CAMK1D: variants seen among roughly 807,000 people sequenced by gnomAD.
The protein encoded by CAMK1D is calcium/calmodulin dependent protein kinase ID.
A neutral mutation model predicts 47.7 loss-of-function variants in CAMK1D; 9 were observed. The ratio of observed to expected loss-of-function variants is 0.19; its 90% CI spans 0.11 to 0.33. The LOEUF (loss-of-function observed/expected upper bound fraction) is 0.33. Among genes scored for constraint, CAMK1D ranks in the 10% least tolerant of loss-of-function variants. The pLI is 1.00. For missense variants in CAMK1D, 291 were observed against 488.7 expected, an observed-to-expected ratio of 0.60 and a Z score of 3.81; for synonymous variants, 184 against 184.9, an observed-to-expected ratio of 0.99 and a Z score of 0.04.
chr10:12,560,645 G>A (rs1457422307), intron 2 of CAMK1D, among the ~76,000 whole-genome samples: 1 of 151,840 alleles, frequency 6.6e-6, no homozygotes, highest in Non-Finnish European at 1.5e-5. Flanking sequence ...GACTGAAAAT[G>A]GCTAAGCTGG....
At chr10:12,371,001 A>G (rs1004098327) in intron 1 of CAMK1D, among the ~76,000 whole-genome samples, 2 of 152,188 alleles carry the variant, frequency 1.3e-5, no homozygotes, top group Non-Finnish European at 2.9e-5. Flanking sequence ...TTTTGCAGCT[A>G]TACAGTGTGT....
At chr10:12,584,510 G>A (rs1172993519) in intron 2 of CAMK1D, among the ~76,000 whole-genome samples, 2 of 152,298 alleles carry the variant, frequency 1.3e-5, no homozygotes, top group East Asian at 1.9e-4. Flanking sequence ...TTACTGAAGA[G>A]GGATCTGAGA....
At chr10:12,613,826 G>A (rs904437107) in intron 2 of CAMK1D, among the ~76,000 whole-genome samples, 3 of 152,190 alleles carry the variant, frequency 2.0e-5, no homozygotes, top group African/African-American at 7.2e-5. Flanking sequence ...AGAGTTCTGG[G>A]TACGGTTGAG....
chr10:12,782,171 C>G (rs561242827), intron 5 of CAMK1D, among the ~76,000 whole-genome samples: 1 of 152,290 alleles, frequency 6.6e-6, no homozygotes, highest in South Asian at 2.1e-4. Context: ...GAGAACGCTC[C>G]TGTGTTTCAG....
intron 8 of CAMK1D, among the ~76,000 whole-genome samples, chr10:12,822,952 G>A (rs1339641866): frequency 6.6e-6 from 1 of 152,318 alleles, no homozygotes; most frequent in Middle Eastern, 3.4e-3. Flanking sequence ...ACGTCCCCTT[G>A]GCTGTGTGTT....
At chr10:12,485,523 C>G (rs868209875) in intron 1 of CAMK1D, among the ~76,000 whole-genome samples, 2 of 152,124 alleles carry the variant, frequency 1.3e-5, no homozygotes, top group African/African-American at 2.4e-5. Flanking sequence ...GGGCTGGTCA[C>G]AGGGAGCCGG....
At chr10:12,484,830 G>T (rs1435787473) in intron 1 of CAMK1D, among the ~76,000 whole-genome samples, 1 of 152,000 alleles carries the variant, frequency 6.6e-6, no homozygotes, top group African/African-American at 2.4e-5. Flanking sequence ...GACTCTGGGG[G>T]GGAGGGGGTG....
intron 3 of CAMK1D, among the ~76,000 whole-genome samples, chr10:12,712,039 C>A (rs934022965): frequency 6.6e-6 from 1 of 152,136 alleles, no homozygotes; most frequent in African/African-American, 2.4e-5. Context: ...ATCAGCTGTT[C>A]CTCTGTTAGC....
chr10:12,527,028 T>A (rs1835646598), intron 1 of CAMK1D, among the ~76,000 whole-genome samples: 1 of 151,466 alleles, frequency 6.6e-6, no homozygotes, highest in Non-Finnish European at 1.5e-5. Context: ...CTCAAAAAAA[T>A]AAAAAATAAA....
chr10:12,508,777 A>C (rs1213414995), intron 1 of CAMK1D, among the ~76,000 whole-genome samples: 3 of 152,172 alleles, frequency 2.0e-5, no homozygotes, highest in Non-Finnish European at 4.4e-5. Flanking sequence ...AAGCCGAGGG[A>C]GAGGGCTTGG....
intron 1 of CAMK1D, among the ~76,000 whole-genome samples, chr10:12,511,574 A>T (rs12572215): frequency 0.013 from 1,968 of 152,254 alleles, 38 homozygotes; most frequent in East Asian, 0.072. Context: ...TCGCTCCACC[A>T]CACTCTAGCC....
At chr10:12,819,092 A>G in intron 8 of CAMK1D, among the ~76,000 whole-genome samples, 1 of 152,186 alleles carries the variant, frequency 6.6e-6, no homozygotes, top group Non-Finnish European at 1.5e-5. Context: ...AAGGCAGGAA[A>G]AAGGCCAGTT....
At chr10:12,451,249 C>G (rs1330161438) in intron 1 of CAMK1D, among the ~76,000 whole-genome samples, 2 of 152,164 alleles carry the variant, frequency 1.3e-5, no homozygotes, top group Non-Finnish European at 2.9e-5. Context: ...CTCCTCTGGC[C>G]CAGAGGAGAG....
At chr10:12,721,649 C>T (rs1259658529) in intron 3 of CAMK1D, among the ~76,000 whole-genome samples, 1 of 152,158 alleles carries the variant, frequency 6.6e-6, no homozygotes. Flanking sequence ...ACCCTGTGCT[C>T]ACAGAGCTTA....
intron 10 of CAMK1D, among the ~76,000 whole-genome samples, chr10:12,827,076 C>T (rs994025298): frequency 2.0e-5 from 3 of 152,234 alleles, no homozygotes; most frequent in Admixed American, 6.5e-5. Flanking sequence ...CTGCTGAGCT[C>T]ACACAGGAAT....
At chr10:12,435,979 G>A (rs931299723) in intron 1 of CAMK1D, among the ~76,000 whole-genome samples, 6 of 152,230 alleles carry the variant, frequency 3.9e-5, no homozygotes, top group African/African-American at 1.4e-4. Flanking sequence ...GAATGGGGTG[G>A]TGGGGACAGT....
chr10:12,472,338 C>T (rs370238611), intron 1 of CAMK1D, among the ~76,000 whole-genome samples: 1 of 152,078 alleles, frequency 6.6e-6, no homozygotes, highest in Non-Finnish European at 1.5e-5. Flanking sequence ...GCTTGCTCTT[C>T]CTCATGTGCC....
intron 1 of CAMK1D, among the ~76,000 whole-genome samples, chr10:12,461,246 C>A (rs1446759045): frequency 6.6e-6 from 1 of 152,176 alleles, no homozygotes; most frequent in Non-Finnish European, 1.5e-5. Context: ...ATACATGTTC[C>A]GTGCTCTGCG....
intron 2 of CAMK1D, among the ~76,000 whole-genome samples, chr10:12,628,493 C>T (rs1176869683): frequency 6.6e-6 from 1 of 152,128 alleles, no homozygotes; most frequent in Non-Finnish European, 1.5e-5. Flanking sequence ...ACAGGGAGTT[C>T]TCATATACCC....
Sources: allele counts gnomAD v4.1 joint callset (sites outside exome capture counted in the v4.1 genomes callset), GRCh38; gene constraint gnomAD v4.1.1; transcripts MANE v1.5; gene names NCBI Gene and HGNC (gene_info 2026-07-23, HGNC 2026-07-21).